RGS6: variants seen among roughly 807,000 people sequenced by gnomAD.
RGS6 encodes regulator of G protein signaling 6.
In RGS6, 30 loss-of-function variants were observed where a neutral mutation model predicts 78.5. The observed-to-expected ratio is 0.38, with a 90% CI of 0.29 to 0.52. RGS6 has a LOEUF of 0.52. RGS6 is among the 20% of genes least tolerant of loss of function. The pLI, the probability that RGS6 is intolerant of heterozygous loss-of-function variation, is 0.85. For missense variants in RGS6, 495 were observed against 609.7 expected, an observed-to-expected ratio of 0.81 and a Z score of 1.98; for synonymous variants, 206 against 206.0, an observed-to-expected ratio of 1.00 and a Z score of 0.00.
At chr14:72,409,384 A>G (rs865842061) in intron 3 of RGS6, among the ~76,000 whole-genome samples, 2 of 152,172 alleles carry the variant, frequency 1.3e-5, no homozygotes, top group Admixed American at 6.5e-5. Context: ...GTTAGAGGTT[A>G]GTTGGAGGTT....
At chr14:71,948,637 A>T (rs2091885957) in intron 1 of RGS6, among the ~76,000 whole-genome samples, 1 of 151,402 alleles carries the variant, frequency 6.6e-6, no homozygotes, top group South Asian at 2.1e-4. Flanking sequence ...GAAAGAGAAT[A>T]TTACCGTTCT....
At chr14:72,505,811 G>A (rs1184818326) in intron 13 of RGS6, among the ~76,000 whole-genome samples, 1 of 152,196 alleles carries the variant, frequency 6.6e-6, no homozygotes, top group African/African-American at 2.4e-5. Flanking sequence ...TGTAAGGAAA[G>A]CTCCTTACAC....
chr14:72,076,809 G>T (rs1408032081), intron 2 of RGS6, among the ~76,000 whole-genome samples: 1 of 151,970 alleles, frequency 6.6e-6, no homozygotes, highest in African/African-American at 2.4e-5. Context: ...TGGGATTATA[G>T]GTGTGAACCA....
chr14:72,078,140 C>T (rs146976672), intron 2 of RGS6, among the ~76,000 whole-genome samples: 21 of 152,252 alleles, frequency 1.4e-4, no homozygotes, highest in Non-Finnish European at 2.5e-4. Context: ...GGCTTAGCAC[C>T]CTCCACTTTG....
intron 2 of RGS6, among the ~76,000 whole-genome samples, chr14:71,991,702 A>T (rs540046744): frequency 1.3e-5 from 2 of 152,358 alleles, no homozygotes; most frequent in African/African-American, 4.8e-5. Flanking sequence ...TAACAGAAAT[A>T]GAGACTTACT....
intron 2 of RGS6, among the ~76,000 whole-genome samples, chr14:71,984,316 A>AC (rs2094591984): frequency 1.8e-5 from 2 of 113,084 alleles, no homozygotes; most frequent in African/African-American, 3.1e-5. Context: ...AAAAAAAAAA[A>AC]AAAAAACAAA....
At chr14:72,591,938 C>T in the RGS6 span, among the ~76,000 whole-genome samples, 1 of 152,198 alleles carries the variant, frequency 6.6e-6, no homozygotes, top group African/African-American at 2.4e-5. Flanking sequence ...GCCACTACCC[C>T]TTCCGTCATG....
At chr14:72,343,098 A>G (rs570719636) in intron 2 of RGS6, among the ~76,000 whole-genome samples, 2 of 152,220 alleles carry the variant, frequency 1.3e-5, no homozygotes, top group Non-Finnish European at 2.9e-5. Context: ...TTCGTTTTCT[A>G]TTGCTGCTAT....
rs545135746 is a variant in RGS6, at chr14:72,564,853, G to A, written c.*2386G>A. On this transcript the variant is annotated 3_prime_UTR_variant, in exon 18 of 18. Transcript: ENST00000553525. ...AGAGGGGAGGGTCAGTAAGCACAAC[G>A]GAGCTAGGGAGACTTCAGATGGACT... 15 of 152,362 alleles carry A rather than the reference G, an allele frequency of 9.8e-5. No individual in the cohort carries two copies. Among genetic ancestry groups the A allele is most frequent in the South Asian group, 2.1e-4 (1 of 4,818 alleles). 9.4% of individuals were successfully genotyped at this position (152,362 alleles called of 1,614,324 possible). A position where few individuals can be genotyped will look rare whatever the true frequency, so the allele number is the denominator to read the frequency against.
In RGS6 at chr14:72,495,235, A is replaced by G; in HGVS notation, c.938A>G (p.Asp313Gly). The G allele has an allele frequency of 3.1e-6, 5 of 1,613,350 alleles. No individual in the cohort carries two copies. Among genetic ancestry groups the G allele is most frequent in the Non-Finnish European group, 4.2e-6 (5 of 1,179,282 alleles). ...AEPSNPWISD[D>G]VALWDIEMSK... ...CCATCCAACCCTTGGATCAGCGATG[A>G]CGTTGCTTTGTGGGACATAGAGATG... Residue 313 changes from aspartate (D) to glycine (G), a missense_variant, in exon 13 of 18, where the codon GAC becomes GGC. Physicochemically the swap from Asp to Gly is moderately conservative, Grantham distance 94. Coordinates refer to ENST00000553525, the MANE Select transcript of RGS6 (RefSeq NM_001204424.2).
intron 17 of RGS6, among the ~76,000 whole-genome samples, chr14:72,543,268 G>A (rs2097350295): frequency 6.6e-6 from 1 of 152,214 alleles, no homozygotes; most frequent in East Asian, 1.9e-4. Flanking sequence ...CAAAACACAG[G>A]CTGGGTTTCA....
At chr14:72,262,225 T>C (rs2058295412) in intron 2 of RGS6, among the ~76,000 whole-genome samples, 1 of 152,184 alleles carries the variant, frequency 6.6e-6, no homozygotes, top group Admixed American at 6.5e-5. Context: ...AGAAACCTTA[T>C]AGGGAGTGTA....
intron 2 of RGS6, among the ~76,000 whole-genome samples, chr14:72,179,536 T>C (rs1176547661): frequency 6.6e-6 from 1 of 152,174 alleles, no homozygotes; most frequent in Non-Finnish European, 1.5e-5. Context: ...CTTCTGTGTG[T>C]CCCTACTATA....
the RGS6 span, among the ~76,000 whole-genome samples, chr14:72,592,290 G>T: frequency 6.6e-6 from 1 of 152,242 alleles, no homozygotes; most frequent in Admixed American, 6.5e-5. Context: ...TGATGGTCCA[G>T]CCAAATTCAC....
At chr14:72,302,890 C>G (rs905650353) in intron 2 of RGS6, among the ~76,000 whole-genome samples, 3 of 152,196 alleles carry the variant, frequency 2.0e-5, no homozygotes, top group African/African-American at 7.2e-5. Flanking sequence ...TTTTCCCATG[C>G]TGTTCTCGTG....
chr14:72,464,819 C>T (rs570415141), intron 6 of RGS6: 3 of 152,330 alleles, frequency 2.0e-5, no homozygotes, highest in South Asian at 2.1e-4. Flanking sequence ...CCTAAATTGT[C>T]TTCCCTTTCC....
In RGS6 at chr14:72,522,730, A is replaced by G. The variant is rs75618526; in HGVS notation, c.1278+4193A>G. 4.9e-4 allele frequency among the ~76,000 whole-genome samples: 74 copies of G among 152,342 alleles called. No homozygotes were observed. The East Asian group carries it at 0.01, about 21-fold the overall frequency. ...AAAACATAAAAACTGTTCTTCGCTC[A>G]TGGGATGTAAAGATCTAGATCACAG... On this transcript the variant is annotated intron_variant, in intron 15 of 17. Transcript: ENST00000553525.
At chr14:72,063,075 C>T (rs1214544389) in intron 2 of RGS6, among the ~76,000 whole-genome samples, 3 of 152,100 alleles carry the variant, frequency 2.0e-5, no homozygotes, top group East Asian at 1.9e-4. Context: ...CTGCCCGCCT[C>T]GGCCTCCAAA....
intron 3 of RGS6, among the ~76,000 whole-genome samples, chr14:72,407,715 A>G (rs1028016759): frequency 6.6e-6 from 1 of 152,254 alleles, no homozygotes. Context: ...CTCTAGTGCA[A>G]TGACATTAAA....
Sources: allele counts gnomAD v4.1 joint callset (sites outside exome capture counted in the v4.1 genomes callset), GRCh38; gene constraint gnomAD v4.1.1; transcripts MANE v1.5; gene names NCBI Gene and HGNC (gene_info 2026-07-23, HGNC 2026-07-21).